The following TACC1 variants were observed in gnomAD, a reference collection of about 807,000 sequenced individuals.
TACC1 encodes the protein transforming acidic coiled-coil containing protein 1.
In TACC1, 48 loss-of-function variants were observed where a neutral mutation model predicts 84.4. The observed-to-expected ratio is 0.57, with a 90% CI of 0.45 to 0.72. TACC1 has a LOEUF of 0.72. TACC1 is among the 30% of genes least tolerant of loss of function. TACC1 has a pLI of 0.00. For synonymous variants in TACC1, 372 were observed against 376.3 expected (o/e 0.99, Z 0.13); for missense variants, 920 against 973.0 (o/e 0.95, Z 0.72).
At chr8:38,745,252 C>T in exon 3 of TACC1, 2 of 475,204 alleles carry the variant, frequency 4.2e-6, no homozygotes, top group Non-Finnish European at 7.4e-6. Context: ...AGAGCTGCCT[C>T]CCCAGAAACA....
At chr8:38,837,355 G>A (rs1800056892) in intron 7 of TACC1, among the ~76,000 whole-genome samples, 1 of 151,860 alleles carries the variant, frequency 6.6e-6, no homozygotes, top group Admixed American at 6.6e-5. Context: ...CCTGGGAGAC[G>A]AAGGTTGTGG....
intron 3 of TACC1, among the ~76,000 whole-genome samples, chr8:38,824,961 C>T (rs1310335288): frequency 1.3e-5 from 2 of 152,180 alleles, no homozygotes; most frequent in Non-Finnish European, 2.9e-5. Context: ...CTCAGAGGAA[C>T]TGAATGTCTC....
intron 2 of TACC1, among the ~76,000 whole-genome samples, chr8:38,800,511 G>A (rs1249340854): frequency 6.6e-6 from 1 of 152,128 alleles, no homozygotes; most frequent in Admixed American, 6.5e-5. Flanking sequence ...TGGAGTAGTA[G>A]AATATGTAGT....
At chr8:38,732,312 T>G (rs1197431059) in intron 1 of TACC1, among the ~76,000 whole-genome samples, 2 of 148,196 alleles carry the variant, frequency 1.3e-5, no homozygotes, top group African/African-American at 2.5e-5. Context: ...TTTTTTCTTG[T>G]TTTTTTTTTC....
intron 2 of TACC1, among the ~76,000 whole-genome samples, chr8:38,797,415 T>C (rs1426261112): frequency 6.6e-6 from 1 of 152,222 alleles, no homozygotes; most frequent in Non-Finnish European, 1.5e-5. Context: ...ATTGCTTTCT[T>C]CCTTTGGCGT....
In TACC1 at chr8:38,836,241, T is replaced by G. The variant is rs1213274843; in HGVS notation, c.1793T>G (p.Leu598Arg). 1 of 1,612,674 alleles carries G rather than the reference T, an allele frequency of 6.2e-7. No homozygotes were observed. The highest frequency in any genetic ancestry group is 8.5e-7 in the Non-Finnish European group (1 of 1,179,856). Reference protein sequence around the residue: ...GGESPLDGICLSESDKTAVLT... With the variant: ...GGESPLDGICRSESDKTAVLT... ...GAGAGCCCCCTGGATGGGATCTGCC[T>G]CAGCGAATCAGACAAGACAGCCGTG... The change falls in exon 7 of 13, where the codon CTC becomes CGC. Residue 598 changes from leucine to arginine, a missense_variant. Coordinates refer to ENST00000317827, the MANE Select transcript of TACC1 (RefSeq NM_006283.3).
chr8:38,837,613 T>A (rs916350029), intron 7 of TACC1, among the ~76,000 whole-genome samples: 2 of 151,918 alleles, frequency 1.3e-5, no homozygotes, highest in African/African-American at 4.8e-5. Context: ...ATGAGAAAAA[T>A]GACTTGATGT....
At position 38,849,986 on chromosome 8, in the gene TACC1, GT is replaced by G. The variant is rs1256561608; in HGVS notation, c.*1967del. 1 of 152,642 alleles carries G rather than the reference GT, an allele frequency of 6.6e-6. No homozygotes were observed. The highest frequency in any genetic ancestry group is 1.5e-5 in the Non-Finnish European group (1 of 68,036). The allele number at this position is 152,642 out of a possible 1,614,324, so 9.5% of individuals were successfully genotyped here. ...GATTGCTAAATCTTTTTGCTGCTGT[GT>G]TTTGGTGTTTTCATGTTTACTTGTT... On this transcript the variant is annotated 3_prime_UTR_variant, in exon 13 of 13. Transcript: ENST00000317827.
At chr8:38,825,235 C>G in intron 3 of TACC1, 73 bp from the exon 4 acceptor site, 2 of 1,502,266 alleles carry the variant, frequency 1.3e-6, no homozygotes, top group African/African-American at 2.7e-5. Context: ...ACACTGCTGT[C>G]TGCTCCATTT....
intron 3 of TACC1, among the ~76,000 whole-genome samples, chr8:38,823,422 T>C (rs546985721): frequency 6.6e-6 from 1 of 152,320 alleles, no homozygotes; most frequent in East Asian, 1.9e-4. Flanking sequence ...TGTGGGATGC[T>C]TCTGCATACT....
At chr8:38,779,036 A>G (rs1815424359) in intron 3 of TACC1, among the ~76,000 whole-genome samples, 1 of 151,130 alleles carries the variant, frequency 6.6e-6, no homozygotes, top group Non-Finnish European at 1.5e-5. Context: ...CTGGAATGCA[A>G]TGCCACAATC....
upstream of TACC1, among the ~76,000 whole-genome samples, chr8:38,784,615 T>C (rs548592861): frequency 5.3e-5 from 8 of 152,152 alleles, no homozygotes; most frequent in East Asian, 1.5e-3. Flanking sequence ...TTAATCTTAC[T>C]GGGGCCATCA....
In TACC1 at chr8:38,850,797, A is replaced by C. The variant is rs1832982971; in HGVS notation, c.*2774A>C. The stretch of plus-strand genomic sequence containing the variant: ...TCTCAAAAAAAAAAAAAAAAAAAAA[A>C]AAACCAGGAGTGAAAAAGGAAAGTA... On this transcript the variant is annotated 3_prime_UTR_variant, in exon 13 of 13. Transcript: ENST00000317827. 1.3e-5 allele frequency: 2 copies of C among 151,726 alleles called. 1 individual carries two copies. Among genetic ancestry groups the C allele is most frequent in the African/African-American group, 4.9e-5 (2 of 40,672 alleles). The allele number at this position is 151,726 out of a possible 1,614,324, so 9.4% of individuals were successfully genotyped here.
At position 38,851,141 on chromosome 8, in the gene TACC1, A is replaced by T. The variant is rs560763322; in HGVS notation, c.*3118A>T. 1.3e-5 allele frequency: 2 copies of T among 152,270 alleles called. No homozygotes were observed. The highest frequency in any genetic ancestry group is 2.9e-5 in the Non-Finnish European group (2 of 68,038). 9.4% of individuals were successfully genotyped at this position (152,270 alleles called of 1,614,324 possible). ...TTCTAGCTTCTTCAGACTCAGCCCA[A>T]ATTAGGAAGTGCAGAAGCACATGAT... On this transcript the variant is annotated 3_prime_UTR_variant, in exon 13 of 13. Coordinates refer to ENST00000317827, the MANE Select transcript of TACC1 (RefSeq NM_006283.3).
rs1831621620 is a variant in TACC1, at chr8:38,843,410, A to G, written c.2228+15A>G. On this transcript the variant is annotated intron_variant, in intron 11 of 12. Transcript: ENST00000317827. ...AAACTGGACAAGTAAGAGCTTGTAA[A>G]TGTTGAATTTCACTCTTCATGATGT... 3.2e-6 allele frequency: 5 copies of G among 1,571,416 alleles called. No homozygotes were observed. The highest frequency in any genetic ancestry group is 4.3e-6 in the Non-Finnish European group (5 of 1,155,284).
intron 1 of TACC1, among the ~76,000 whole-genome samples, chr8:38,735,552 A>G (rs1195724609): frequency 6.6e-6 from 1 of 152,064 alleles, no homozygotes. Context: ...CGCTGCTTCC[A>G]TGGGCTGGTG....
intron 2 of TACC1, among the ~76,000 whole-genome samples, chr8:38,807,308 T>G (rs369942803): frequency 8.1e-4 from 124 of 152,278 alleles, no homozygotes; most frequent in African/African-American, 2.8e-3. Flanking sequence ...CTGAAGCCAC[T>G]TGGATATGAG....
chr8:38,777,867 G>C (rs1413780881), intron 3 of TACC1, among the ~76,000 whole-genome samples: 2 of 152,208 alleles, frequency 1.3e-5, no homozygotes, highest in Non-Finnish European at 2.9e-5. Flanking sequence ...GGTGAGAACT[G>C]AGTCACAGGC....
At position 38,836,182 on chromosome 8, in the gene TACC1, A is replaced by G; in HGVS notation, c.1734A>G (p.Ala578=). 6.2e-7 allele frequency: 1 copy of G among 1,613,410 alleles called. No individual in the cohort carries two copies. Residue 578 remains alanine, a synonymous_variant, in exon 7 of 13, where the codon GCA becomes GCG. Transcript: ENST00000317827. The stretch of plus-strand genomic sequence containing the variant: ...CACAGGGGCTGCTGGAGTCCTCTGC[A>G]GAGAAGGCCCCTGTGTCGGTGTCCT... ...STVLGLLESS[A]EKAPVSVSCG... is the part of the protein sequence containing the mutation.
Sources: gnomAD v4.1 joint callset for allele counts (sites outside exome capture counted in the v4.1 genomes callset) on GRCh38, gnomAD v4.1.1 for gene constraint, MANE v1.5 for transcripts, NCBI Gene and HGNC (gene_info 2026-07-23, HGNC 2026-07-21) for gene names.